RIOX2: variants seen among roughly 807,000 people sequenced by gnomAD.
RIOX2 encodes 60S ribosomal protein L27a histidine hydroxylase.
Under a neutral mutation model 51.2 loss-of-function variants are expected in RIOX2, and 43 were observed. The observed-to-expected ratio is 0.84, with a 90% confidence interval of 0.66 to 1.08. The LOEUF is 1.08. Among genes scored for constraint, RIOX2 ranks in the 50% least tolerant of loss-of-function variants. The pLI, the probability that RIOX2 is intolerant of heterozygous loss-of-function variation, is 0.00. For missense variants in RIOX2, 566 were observed against 561.7 expected (o/e 1.01, Z -0.08); for synonymous variants, 226 against 218.5 (o/e 1.03, Z -0.30).
In RIOX2 at chr3:97,950,888, A is replaced by G. The variant is rs781733884; in HGVS notation, c.786T>C (p.Asn262=). 1.2e-6 allele frequency: 2 copies of G among 1,608,910 alleles called. No homozygotes were observed. The highest frequency in any genetic ancestry group is 2.7e-5 in the African/African-American group (2 of 74,776). ...THVTISTYQN[N]SWGDFLLDTI... ...TATCCAAAAGGAAATCTCCCCATGA[A>G]CTAGGATATGCACCAAGGGGGAAAA... is the stretch of plus-strand genomic sequence containing the variant. The change falls in exon 6 of 10, where the codon AAT becomes AAC. Residue 262 remains asparagine (N), a splice_region_variant and synonymous_variant. Coordinates refer to ENST00000394198, the MANE Select transcript of RIOX2 (RefSeq NM_153182.4).
In RIOX2 at chr3:97,950,022, A is replaced by G. The variant is rs1375334801; in HGVS notation, c.889-7T>C. On this transcript the variant is annotated splice_polypyrimidine_tract_variant and splice_region_variant and intron_variant, in intron 6 of 9. Transcript: ENST00000394198. ...CAGTTGTGGATTCCACCTGCTAGGA[A>G]CACAGAAGTGAGTCCTGGCCCAGAT... The G allele has an allele frequency of 6.2e-7, 1 of 1,613,070 alleles. No individual in the cohort carries two copies. Among genetic ancestry groups the G allele is most frequent in the South Asian group, 1.1e-5 (1 of 91,026 alleles).
chr3:97,969,400 T>G (rs1006698175), intron 1 of RIOX2, among the ~76,000 whole-genome samples: 3 of 152,092 alleles, frequency 2.0e-5, no homozygotes, highest in Non-Finnish European at 2.9e-5. Context: ...TACAAAGAGA[T>G]AGAAAAATGG....
chr3:97,942,680 G>A lies in RIOX2; in HGVS notation c.*2504C>T, dbSNP rs568421674. On this transcript the variant is annotated 3_prime_UTR_variant, in exon 10 of 10. Coordinates refer to ENST00000394198, the MANE Select transcript of RIOX2 (RefSeq NM_153182.4). ...CAGTTGTAAAACTTTCATTTGCTAC[G>A]TGAACTCAGAACAGTTCTAAATTTC... 1.1e-5 allele frequency: 4 copies of A among 379,362 alleles called. No homozygotes were observed. The highest frequency in any genetic ancestry group is 4.2e-5 in the African/African-American group (2 of 48,082). 23.5% of individuals were successfully genotyped at this position (379,362 alleles called of 1,614,324 possible).
chr3:97,966,095 G>T (rs531320527), intron 2 of RIOX2, among the ~76,000 whole-genome samples: 31 of 152,320 alleles, frequency 2.0e-4, no homozygotes, highest in African/African-American at 7.0e-4. Context: ...ACCTCATACA[G>T]AGTATGAATA....
Position 97,967,585 on chromosome 3 carries a change from C to G in RIOX2, c.9G>C (p.Lys3Asn). The part of the protein sequence containing the change: MP[K>N]KAKPTGSGKE... ...TCCCACTCCCTGTAGGCTTTGCTTT[C>G]TTTGGCATCGTTCTGTCTTCAAGAC... The change falls in exon 2 of 10, where the codon AAG (lysine) becomes AAC (asparagine). Residue 3 changes from lysine (K) to asparagine (N), a missense_variant. Physicochemically the swap from Lys to Asn is moderately conservative, Grantham distance 94. Transcript: ENST00000394198. The G allele has an allele frequency of 6.3e-7, 1 of 1,579,886 alleles. No individual in the cohort carries two copies. The highest frequency in any genetic ancestry group is 8.6e-7 in the Non-Finnish European group (1 of 1,167,428).
intron 4 of RIOX2, among the ~76,000 whole-genome samples, chr3:97,955,087 T>C (rs1241378179): frequency 3.3e-5 from 5 of 152,168 alleles, no homozygotes; most frequent in Admixed American, 6.5e-5. Context: ...CCCCACTTCC[T>C]GATAATTTTT....
At chr3:97,953,609 C>A (rs1559758725) in intron 5 of RIOX2, among the ~76,000 whole-genome samples, 1 of 152,142 alleles carries the variant, frequency 6.6e-6, no homozygotes, top group Non-Finnish European at 1.5e-5. Flanking sequence ...TCTCAAACTT[C>A]TGACCTCAAG....
At chr3:97,971,411 A>G (rs1321996955) in intron 1 of RIOX2, among the ~76,000 whole-genome samples, 1 of 152,194 alleles carries the variant, frequency 6.6e-6, no homozygotes, top group East Asian at 1.9e-4. Flanking sequence ...AGTTAAACAC[A>G]CGGCTGTCAG....
At position 97,967,214 on chromosome 3, in the gene RIOX2, T is replaced by C; in HGVS notation, c.380A>G (p.Asp127Gly). Residue 127 changes from aspartate (D) to glycine (G), a missense_variant, in exon 2 of 10, where the codon GAT becomes GGT. By Grantham distance (94) the Asp-to-Gly change is moderately conservative (BLOSUM62 -1). Transcript: ENST00000394198. ...AATCGTTGCCCTTTTCTGATCAAAA[T>C]CTTTTCTCAGCTGAAGAAAGTGTGC... The part of the protein sequence containing the change: ...GKAHFLQLRK[D>G]FDQKRATIQF... 6.2e-7 allele frequency: 1 copy of C among 1,614,230 alleles called. No homozygotes were observed. The highest frequency in any genetic ancestry group is 8.5e-7 in the Non-Finnish European group (1 of 1,180,038).
chr3:97,953,629 C>T lies in RIOX2; in HGVS notation c.785+763G>A, dbSNP rs557210008. ...AACTTCTGACCTCAAGCGATCCACCCGCCTCAGCCTCCCAAAGTGCTGGGA... is the reference window on the plus strand; with the variant it reads ...AACTTCTGACCTCAAGCGATCCACCTGCCTCAGCCTCCCAAAGTGCTGGGA... On this transcript the variant is annotated intron_variant, in intron 5 of 9. Transcript: ENST00000394198. Among the ~76,000 whole-genome samples the T allele has an allele frequency of 1.8e-4, 28 of 152,212 alleles. No homozygotes were observed. The South Asian group carries it at 5.4e-3, about 29-fold the overall frequency.
rs529552669 is a variant in RIOX2 at position 97,945,802 on chromosome 3, G to T, written c.1235C>A (p.Thr412Lys). The change falls in exon 9 of 10, where the codon ACA (threonine) becomes AAA (lysine). Residue 412 changes from threonine to lysine, a missense_variant. Physicochemically the swap from Thr to Lys is moderately conservative, Grantham distance 78. Coordinates refer to ENST00000394198, the MANE Select transcript of RIOX2 (RefSeq NM_153182.4). ...TTGTTTTCAGTTGAAACAAACCTCTGTTTCCTCCTCATTTCCCATCATGTG... is the reference window on the plus strand; with the variant it reads ...TTGTTTTCAGTTGAAACAAACCTCTTTTTCCTCCTCATTTCCCATCATGTG... ...ETHMMGNEEE[T>K]EFHGLRFPLS... 1 of 1,607,592 alleles carries T rather than the reference G, an allele frequency of 6.2e-7. No homozygotes were observed. Among genetic ancestry groups the T allele is most frequent in the African/African-American group, 1.3e-5 (1 of 74,816 alleles).
At chr3:97,954,575 G>C in intron 4 of RIOX2, 80 bp from the exon 5 acceptor site, 1 of 1,170,594 alleles carries the variant, frequency 8.5e-7, no homozygotes, top group East Asian at 2.5e-5. Flanking sequence ...AGATAAATAT[G>C]GGCTTTGAGT....
chr3:97,961,479 C>T, intron 3 of RIOX2, 110 bp downstream of exon 3: 2 of 1,201,376 alleles, frequency 1.7e-6, no homozygotes, highest in Non-Finnish European at 2.3e-6. Flanking sequence ...AGAGCGAATA[C>T]AGACCTAAGA....
intron 4 of RIOX2, among the ~76,000 whole-genome samples, chr3:97,957,870 C>T (rs1370270819): frequency 1.3e-5 from 2 of 152,078 alleles, no homozygotes; most frequent in South Asian, 2.1e-4. Context: ...TTTTGGTTTG[C>T]GGGCCATGTG....
intron 1 of RIOX2, chr3:97,971,894 C>T (rs1338881315): frequency 6.6e-6 from 1 of 152,350 alleles, no homozygotes; most frequent in Non-Finnish European, 1.5e-5. Context: ...TGTAATGCAG[C>T]TGCCCTTCTC....
At chr3:97,949,399 C>A (rs964938823) in intron 7 of RIOX2, among the ~76,000 whole-genome samples, 5 of 152,162 alleles carry the variant, frequency 3.3e-5, no homozygotes, top group Non-Finnish European at 7.3e-5. Context: ...GCTTCTTGTA[C>A]AGCCTGCAGA....
rs748044154 is a variant in RIOX2, at chr3:97,967,164, T to G, written c.430A>C (p.Lys144Gln). 1 of 1,612,528 alleles carries G rather than the reference T, an allele frequency of 6.2e-7. No homozygotes were observed. The highest frequency in any genetic ancestry group is 8.5e-7 in the Non-Finnish European group (1 of 1,179,136). ...TCTGCAATGGGGAAACTGGTTACCT[T>G]AAATCTCTGAGGTTGGTGAAACTGA... The part of the protein sequence containing the change: ...TIQFHQPQRF[K>Q]DELWRIQEKL... The change falls in exon 2 of 10, where the codon AAG becomes CAG. Residue 144 changes from lysine to glutamine, a missense_variant and splice_region_variant. By Grantham distance (53) the Lys-to-Gln change is moderately conservative. Transcript: ENST00000394198.
chr3:97,949,018 G>A (rs1284180067), intron 7 of RIOX2, among the ~76,000 whole-genome samples: 1 of 152,094 alleles, frequency 6.6e-6, no homozygotes, highest in Non-Finnish European at 1.5e-5. Context: ...GAAGGTTGAT[G>A]ATAATCTTGG....
intron 8 of RIOX2, among the ~76,000 whole-genome samples, 181 bp from the exon 9 acceptor site, chr3:97,946,068 C>T (rs1447562175): frequency 6.6e-6 from 1 of 152,054 alleles, no homozygotes; most frequent in Non-Finnish European, 1.5e-5. Context: ...TGTGCATCCA[C>T]ACAATGTCTA....
Sources: allele counts gnomAD v4.1 joint callset (sites outside exome capture counted in the v4.1 genomes callset), GRCh38; gene constraint gnomAD v4.1.1; transcripts MANE v1.5; gene names NCBI Gene and HGNC (gene_info 2026-07-23, HGNC 2026-07-21).